Variants in CCDC18 observed in about 807,000 individuals in gnomAD.
CCDC18 encodes coiled-coil domain containing 18.
CCDC18 carries 157 observed loss-of-function variants against 196.0 expected under a neutral mutation model. The observed-to-expected ratio is 0.80, with a 90% CI of 0.70 to 0.91. The LOEUF (loss-of-function observed/expected upper bound fraction) is 0.91. CCDC18 is among the 40% of genes least tolerant of loss of function. The pLI is 0.00. For synonymous variants in CCDC18, 482 were observed against 529.2 expected (o/e 0.91, Z 1.22); for missense variants, 1,465 against 1,611.6 (o/e 0.91, Z 1.56).
At chr1:93,210,184 C>T (rs1655381916) in intron 9 of CCDC18, among the ~76,000 whole-genome samples, 1 of 152,076 alleles carries the variant, frequency 6.6e-6, no homozygotes, top group African/African-American at 2.4e-5. Flanking sequence ...AGGTGTGATT[C>T]GGTTATAGTT....
At chr1:93,198,129 A>G (rs1653109553) in intron 6 of CCDC18, among the ~76,000 whole-genome samples, 1 of 152,176 alleles carries the variant, frequency 6.6e-6, no homozygotes, top group Admixed American at 6.5e-5. Context: ...TGCTAAAGGT[A>G]AACATAAGCC....
chr1:93,215,455 C>CT (rs60117060), intron 12 of CCDC18, among the ~76,000 whole-genome samples: 6,158 of 139,852 alleles, frequency 0.044, 166 homozygotes, highest in African/African-American at 0.085. Flanking sequence ...TTTTCTTTTT[C>CT]TTTTTTTTTT....
intron 2 of CCDC18, 26 bp from the exon 3 acceptor site, chr1:93,183,952 A>G: frequency 7.0e-7 from 1 of 1,422,662 alleles, no homozygotes; most frequent in Non-Finnish European, 9.4e-7. Context: ...CCAAGAACTG[A>G]AATATGTTTT....
chr1:93,262,906 T>A (rs1160216904), intron 26 of CCDC18, among the ~76,000 whole-genome samples: 1 of 152,076 alleles, frequency 6.6e-6, no homozygotes, highest in South Asian at 2.1e-4. Context: ...TCCTCTGAAA[T>A]CTAGGCAGAG....
Position 93,212,268 on chromosome 1 carries a change from A to AGGCTGTGTGTGTTT in CCDC18, c.1495+7_1495+8insGGCTGTGTGTGTTT. 1 of 1,480,966 alleles carries AGGCTGTGTGTGTTT rather than the reference A, an allele frequency of 6.8e-7. No homozygotes were observed. The highest frequency in any genetic ancestry group is 1.4e-5 in the African/African-American group (1 of 69,892). 91.7% of individuals were successfully genotyped at this position (1,480,966 alleles called of 1,614,324 possible). On this transcript the variant is annotated splice_region_variant and intron_variant, in intron 11 of 28. Transcript: ENST00000690025. ...CTAGGTGGTCATCAAGTAGGTAAGT[A>AGGCTGTGTGTGTTT]TATTGAGTTATTTTAATAAATTATA... is the stretch of plus-strand genomic sequence containing the variant.
chr1:93,222,024 C>A, intron 16 of CCDC18, 88 bp downstream of exon 16: 1 of 863,386 alleles, frequency 1.2e-6, no homozygotes, highest in Non-Finnish European at 1.8e-6. Context: ...GGCTGGAGTG[C>A]AGTGGCATGA....
upstream of CCDC18, chr1:93,180,202 A>C (rs753630827): frequency 2.5e-6 from 4 of 1,613,284 alleles, no homozygotes; most frequent in Non-Finnish European, 3.4e-6. Flanking sequence ...CAGAGCGGCC[A>C]GAAGGAGCAC....
intron 28 of CCDC18, among the ~76,000 whole-genome samples, chr1:93,274,726 G>A (rs1665535489): frequency 6.6e-6 from 1 of 152,096 alleles, no homozygotes; most frequent in African/African-American, 2.4e-5. Flanking sequence ...GCGCACATCT[G>A]TAGTCCTAGC....
intron 5 of CCDC18, among the ~76,000 whole-genome samples, chr1:93,192,703 G>A (rs1652035458): frequency 6.6e-6 from 1 of 152,234 alleles, no homozygotes; most frequent in East Asian, 1.9e-4. Flanking sequence ...CTCCCAAAGT[G>A]TTGGGATTGC....
intron 18 of CCDC18, among the ~76,000 whole-genome samples, chr1:93,234,534 T>C (rs1659751364): frequency 6.6e-6 from 1 of 152,224 alleles, no homozygotes; most frequent in Non-Finnish European, 1.5e-5. Context: ...TTAGCTTCAC[T>C]GAGGTCTACA....
At position 93,276,797 on chromosome 1, in the gene CCDC18, C is replaced by T. The variant is rs1665646879; in HGVS notation, c.4354-1666C>T. On this transcript the variant is annotated intron_variant, in intron 28 of 28. Coordinates refer to ENST00000690025, the MANE Select transcript of CCDC18 (RefSeq NM_001378204.1). ...CAAATAATTGTGTAGGGGTGGGTTG[C>T]CCCTACACACCTGTGGGTGTTTCTC... Among the ~76,000 whole-genome samples, 3 of 151,750 alleles carry T rather than the reference C, an allele frequency of 2.0e-5. No homozygotes were observed. In the South Asian group the frequency reaches 6.2e-4, roughly 31 times the overall value.
intron 17 of CCDC18, among the ~76,000 whole-genome samples, chr1:93,229,573 T>A (rs1482353937): frequency 6.6e-6 from 1 of 152,196 alleles, no homozygotes; most frequent in African/African-American, 2.4e-5. Flanking sequence ...ACTCACTGAA[T>A]AATTAAGTGG....
At chr1:93,253,058 A>G (rs1351107507) in intron 23 of CCDC18, among the ~76,000 whole-genome samples, 1 of 152,236 alleles carries the variant, frequency 6.6e-6, no homozygotes, top group East Asian at 1.9e-4. Context: ...TCTAGTTGCA[A>G]TGAGAGGGGC....
chr1:93,192,113 A>G lies in CCDC18; in HGVS notation c.569+7A>G, dbSNP rs200529452. 273 of 1,525,686 alleles carry G rather than the reference A, an allele frequency of 1.8e-4. No individual in the cohort carries two copies. The highest frequency in any genetic ancestry group is 2.3e-4 in the Non-Finnish European group (256 of 1,101,888). 94.5% of individuals were successfully genotyped at this position (1,525,686 alleles called of 1,614,324 possible). ...CTCAAGATAAAGTTTTGAGGTAAAT[A>G]TACTTTTTATAGCTCTCAAAGTTTT... On this transcript the variant is annotated splice_region_variant and intron_variant, in intron 5 of 28. Transcript: ENST00000690025.
Position 93,180,854 on chromosome 1 carries a change from T to C in CCDC18, c.-3+2T>C, listed in dbSNP as rs1214391847. The C allele has an allele frequency of 7.3e-7, 1 of 1,366,078 alleles. No individual in the cohort carries two copies. Among genetic ancestry groups the C allele is most frequent in the South Asian group, 1.1e-5 (1 of 88,036 alleles). The allele number at this position is 1,366,078 out of a possible 1,614,324, so 84.6% of individuals were successfully genotyped here. ...GAGTGCGAAGCGCGCAGTCGCCGGG[T>C]GGGTCTCTCCCCAGCGACGATTTGG... On this transcript the variant is annotated splice_donor_variant, in intron 1 of 28. Transcript: ENST00000690025. LOFTEE classifies it low-confidence loss of function (5UTR_SPLICE).
intron 23 of CCDC18, among the ~76,000 whole-genome samples, chr1:93,248,306 G>GC (rs1661772916): frequency 6.6e-6 from 1 of 152,156 alleles, no homozygotes; most frequent in African/African-American, 2.4e-5. Context: ...GAGCCACTGC[G>GC]CCCAGCCTGT....
intron 7 of CCDC18, 103 bp from the exon 8 acceptor site, chr1:93,205,407 G>A: frequency 1.0e-6 from 1 of 975,946 alleles, no homozygotes; most frequent in South Asian, 1.8e-5. Flanking sequence ...GAAATTCTTA[G>A]TCTACTCTCC....
At chr1:93,238,839 C>T (rs1660394256) in intron 19 of CCDC18, among the ~76,000 whole-genome samples, 1 of 152,088 alleles carries the variant, frequency 6.6e-6, no homozygotes, top group Admixed American at 6.6e-5. Context: ...TTGCACTAGT[C>T]TAGGAATCTC....
At chr1:93,268,575 A>G (rs1664842136) in intron 27 of CCDC18, among the ~76,000 whole-genome samples, 1 of 117,524 alleles carries the variant, frequency 8.5e-6, no homozygotes, top group South Asian at 2.3e-4. Flanking sequence ...ACTTAAACAA[A>G]TTTACAAGAA....
Sources: gnomAD v4.1 joint callset for allele counts (sites outside exome capture counted in the v4.1 genomes callset) on GRCh38, gnomAD v4.1.1 for gene constraint, MANE v1.5 for transcripts, NCBI Gene and HGNC (gene_info 2026-07-23, HGNC 2026-07-21) for gene names.